Variants in SPATA16 observed in about 807,000 individuals in gnomAD.
SPATA16 encodes spermatogenesis-associated protein 16.
A neutral mutation model predicts 63.3 loss-of-function variants in SPATA16; 36 were observed. The observed-to-expected ratio is 0.57, with a 90% CI of 0.44 to 0.75. The LOEUF is 0.75. Among genes scored for constraint, SPATA16 ranks in the 30% least tolerant of loss-of-function variants. The pLI, the probability that SPATA16 is intolerant of heterozygous loss-of-function variation, is 0.00. For missense variants in SPATA16, 646 were observed against 679.3 expected, an observed-to-expected ratio of 0.95 and a Z score of 0.54; for synonymous variants, 203 against 216.7, an observed-to-expected ratio of 0.94 and a Z score of 0.56.
At chr3:173,054,049 C>CT (rs535384339) in intron 2 of SPATA16, among the ~76,000 whole-genome samples, 1 of 151,850 alleles carries the variant, frequency 6.6e-6, no homozygotes, top group East Asian at 1.9e-4. Context: ...ATATGCTCTG[C>CT]TTTTTTAAAA....
At chr3:173,036,385 G>A (rs1735715876) in intron 3 of SPATA16, among the ~76,000 whole-genome samples, 2 of 152,084 alleles carry the variant, frequency 1.3e-5, no homozygotes, top group South Asian at 2.1e-4. Context: ...TTCTGATGAG[G>A]TCGGTGATAT....
intron 1 of SPATA16, among the ~76,000 whole-genome samples, chr3:173,138,107 G>A (rs956858113): frequency 2.0e-5 from 3 of 152,000 alleles, no homozygotes; most frequent in African/African-American, 4.8e-5. Flanking sequence ...TGGTGGGGGG[G>A]TGATAATGCA....
At chr3:173,042,174 T>C (rs1012214281) in intron 3 of SPATA16, among the ~76,000 whole-genome samples, 3 of 152,140 alleles carry the variant, frequency 2.0e-5, no homozygotes, top group African/African-American at 7.2e-5. Flanking sequence ...TTTCCAATTG[T>C]CTACTTTATT....
intron 2 of SPATA16, among the ~76,000 whole-genome samples, chr3:173,057,155 A>G (rs771298976): frequency 4.8e-5 from 7 of 146,180 alleles, no homozygotes; most frequent in Non-Finnish European, 1.0e-4. Context: ...TCTGTGGCCC[A>G]GGCTGGAGTG....
chr3:172,908,243 T>C lies in SPATA16; in HGVS notation c.1587+5418A>G, dbSNP rs192711490. On this transcript the variant is annotated intron_variant, in intron 10 of 10. Transcript: ENST00000351008. ...AGGTGTTTTAGTCATATAATAAAAC[T>C]AAGCAAATGTTCTATCCTTAATTAA... Among the ~76,000 whole-genome samples the C allele has an allele frequency of 1.3e-3, 203 of 152,340 alleles. 1 individual carries two copies. Among genetic ancestry groups the C allele is most frequent in the Non-Finnish European group, 2.5e-3 (171 of 68,030 alleles).
intron 8 of SPATA16, among the ~76,000 whole-genome samples, chr3:172,919,261 G>C (rs1732567489): frequency 6.6e-6 from 1 of 152,208 alleles, no homozygotes; most frequent in African/African-American, 2.4e-5. Context: ...GAATGGAAAA[G>C]TATAGTGCCA....
At position 173,062,129 on chromosome 3, in the gene SPATA16, G is replaced by C. The variant is rs137993980; in HGVS notation, c.613-13035C>G. Among the ~76,000 whole-genome samples the C allele has an allele frequency of 3.5e-3, 447 of 128,986 alleles. 4 individuals are homozygous for C. Among genetic ancestry groups the C allele is most frequent in the African/African-American group, 0.012 (417 of 33,958 alleles). The allele number at this position is 128,986 out of a possible 152,430, so 84.6% of individuals were successfully genotyped here. ...GGTTCATTCCACTGTTTTTTACCTTGATCTGACCAACTAGTAATTTGCTTA... is the reference window on the plus strand; with the variant it reads ...GGTTCATTCCACTGTTTTTTACCTTCATCTGACCAACTAGTAATTTGCTTA... On this transcript the variant is annotated intron_variant, in intron 2 of 10. Transcript: ENST00000351008.
chr3:173,044,076 C>A (rs565245285), intron 3 of SPATA16, among the ~76,000 whole-genome samples: 1 of 152,154 alleles, frequency 6.6e-6, no homozygotes, highest in Admixed American at 6.6e-5. Flanking sequence ...TTCCTAGATG[C>A]GATCGTCTTT....
chr3:173,140,019 A>G (rs189172874), intron 1 of SPATA16, among the ~76,000 whole-genome samples: 1 of 143,910 alleles, frequency 6.9e-6, no homozygotes, highest in East Asian at 2.0e-4. Context: ...CAAACAAACA[A>G]ACTCCTGCAG....
intron 10 of SPATA16, among the ~76,000 whole-genome samples, chr3:172,904,232 G>T (rs1457570861): frequency 6.6e-6 from 1 of 152,136 alleles, no homozygotes; most frequent in Non-Finnish European, 1.5e-5. Flanking sequence ...GATAATATCT[G>T]TCATCATCAT....
At chr3:173,112,944 GTGT>G (rs71635757) in intron 2 of SPATA16, among the ~76,000 whole-genome samples, 6,817 of 152,254 alleles carry the variant, frequency 0.045, 208 homozygotes, top group African/African-American at 0.084. Flanking sequence ...TGAAATGGTG[GTGT>G]TGTTTAAGTT....
chr3:173,030,749 A>G (rs561888952), intron 3 of SPATA16, among the ~76,000 whole-genome samples: 37 of 152,230 alleles, frequency 2.4e-4, no homozygotes, highest in Admixed American at 6.6e-4. Flanking sequence ...AATAATTGAA[A>G]TCAGAGTCTC....
Position 172,913,615 on chromosome 3 carries a change from T to G in SPATA16, c.1587+46A>C, listed in dbSNP as rs920922424. ...AACAGATTTGACCCAAAATGGACAT[T>G]TTCTTTGAGAATAATAGATCTTTTT... On this transcript the variant is annotated intron_variant, in intron 10 of 10. Transcript: ENST00000351008. 7.6e-6 allele frequency: 12 copies of G among 1,580,888 alleles called. No homozygotes were observed. The Admixed American group carries it at 1.2e-4, about 15-fold the overall frequency.
chr3:172,922,571 C>G (rs1732636111), intron 8 of SPATA16, among the ~76,000 whole-genome samples: 1 of 152,168 alleles, frequency 6.6e-6, no homozygotes, highest in African/African-American at 2.4e-5. Context: ...GAGCTGGCAA[C>G]AGATGATGTG....
At chr3:172,898,649 C>T (rs1055477312) in intron 10 of SPATA16, among the ~76,000 whole-genome samples, 1 of 150,680 alleles carries the variant, frequency 6.6e-6, no homozygotes, top group African/African-American at 2.4e-5. Flanking sequence ...TTTTACTAAC[C>T]TGTTCAAAGA....
intron 6 of SPATA16, among the ~76,000 whole-genome samples, chr3:172,929,214 C>T (rs762510634): frequency 2.5e-4 from 38 of 152,034 alleles, no homozygotes; most frequent in Non-Finnish European, 4.9e-4. Flanking sequence ...ATTTATATGA[C>T]TATGACTGAA....
chr3:173,007,846 G>A (rs929712271), intron 4 of SPATA16, among the ~76,000 whole-genome samples: 1 of 151,866 alleles, frequency 6.6e-6, no homozygotes, highest in African/African-American at 2.4e-5. Context: ...TTTGACATGG[G>A]AAGGATCGCT....
intron 6 of SPATA16, among the ~76,000 whole-genome samples, chr3:172,956,348 A>G (rs1577105355): frequency 6.6e-6 from 1 of 152,088 alleles, no homozygotes; most frequent in Non-Finnish European, 1.5e-5. Flanking sequence ...AAAATACTAT[A>G]ATCATCTGAT....
chr3:173,060,280 G>A (rs1440488437), intron 2 of SPATA16, among the ~76,000 whole-genome samples: 1 of 152,030 alleles, frequency 6.6e-6, no homozygotes, highest in Non-Finnish European at 1.5e-5. Flanking sequence ...CAAAGCCAAA[G>A]ATGGAGACGT....
Sources: gnomAD v4.1 joint callset for allele counts (sites outside exome capture counted in the v4.1 genomes callset) on GRCh38, gnomAD v4.1.1 for gene constraint, MANE v1.5 for transcripts, NCBI Gene and HGNC (gene_info 2026-07-23, HGNC 2026-07-21) for gene names.